FASN: variants seen among roughly 807,000 people sequenced by gnomAD.
FASN encodes the protein fatty acid synthase, also known as 3-hydroxyacyl-[acyl-carrier-protein] dehydratase.
A neutral mutation model predicts 250.0 loss-of-function variants in FASN; 50 were observed. The observed-to-expected ratio is 0.20, with a 90% CI of 0.16 to 0.25. FASN has a LOEUF of 0.25. Among genes scored for constraint, FASN ranks in the 10% least tolerant of loss-of-function variants. The pLI is 1.00. For missense variants in FASN, 3,031 were observed against 3,498.5 expected (o/e 0.87, Z 3.37); for synonymous variants, 1,909 against 1,584.0 (o/e 1.21, Z -4.87).
chr17:82,089,856 T>G (rs755201738), intron 11 of FASN, 130 bp from the exon 12 acceptor site: 2 of 831,524 alleles, frequency 2.4e-6, no homozygotes, highest in Non-Finnish European at 4.0e-6. Flanking sequence ...GGAGCCTTCA[T>G]GAGAAAGGTT....
In FASN at chr17:82,086,630, C is replaced by A. The variant is rs2034106936; in HGVS notation, c.3428-72G>T. The A allele has an allele frequency of 4.0e-5, 47 of 1,170,060 alleles. No individual in the cohort carries two copies. The South Asian group carries it at 5.4e-4, about 13-fold the overall frequency. 72.5% of individuals were successfully genotyped at this position (1,170,060 alleles called of 1,614,324 possible). A position where few individuals can be genotyped will look rare whatever the true frequency, so the allele number is the denominator to read the frequency against. On this transcript the variant is annotated intron_variant, in intron 21 of 42. Transcript: ENST00000306749. ...ATCTGCCTGGCATGGGCTCTCAGAC[C>A]CACTCTGTCCTTCTGGGGCCACCAC...
In FASN at chr17:82,078,568, GC is replaced by G. The variant is rs1179133520; in HGVS notation, c.*574del. ...CACCCCACGGGTGGCTGTGCGGGGG[GC>G]CGCTGGGTGTGGCCGGGCCCTGTGT... On this transcript the variant is annotated 3_prime_UTR_variant, in exon 43 of 43. Coordinates refer to ENST00000306749, the MANE Select transcript of FASN (RefSeq NM_004104.5). This position sits in a 1 kb window ranked among gnomAD's most constrained non-coding sequence, Gnocchi z 5.4. 6.1e-6 allele frequency: 1 copy of G among 164,190 alleles called. No individual in the cohort carries two copies. Among genetic ancestry groups the G allele is most frequent in the Admixed American group, 5.8e-5 (1 of 17,376 alleles). The allele number at this position is 164,190 out of a possible 1,614,324, so 10.2% of individuals were successfully genotyped here. A position where few individuals can be genotyped will look rare whatever the true frequency, so the allele number is the denominator to read the frequency against.
intron 38 of FASN, 73 bp from the exon 39 acceptor site, chr17:82,080,995 ACG>A: frequency 6.9e-7 from 1 of 1,439,832 alleles, no homozygotes; most frequent in South Asian, 1.2e-5. Flanking sequence ...ACACACAGAC[ACG>A]CACGCAGGTC....
Position 82,079,578 on chromosome 17 carries a change from G to A in FASN, c.7177C>T (p.Leu2393=). ...VLEALLPLKG[L]EERVAAAVDL... The stretch of plus-strand genomic sequence containing the variant: ...ACGGCGGCTGCCACACGCTCCTCTA[G>A]GCCCTTCAGCGGCAGCAGCGCCTCC... Residue 2393 remains leucine (L), a synonymous_variant, in exon 42 of 43, where the codon CTA becomes TTA. Transcript: ENST00000306749. 6.2e-7 allele frequency: 1 copy of A among 1,603,684 alleles called. No individual in the cohort carries two copies. Among genetic ancestry groups the A allele is most frequent in the Non-Finnish European group, 8.5e-7 (1 of 1,179,874 alleles).
intron 5 of FASN, 61 bp from the exon 6 acceptor site, chr17:82,093,080 G>A (rs959661299): frequency 1.2e-6 from 2 of 1,602,354 alleles, no homozygotes; most frequent in African/African-American, 1.3e-5. Flanking sequence ...ACCCCACCAG[G>A]AGGAGCTCTG....
Position 82,089,090 on chromosome 17 carries a change from C to A in FASN, c.2183G>T (p.Arg728Leu). ...GACATTGTACTCGGCGGAGGACGTG[C>A]GTGCCAGGCTGCTGTGCCACTGGGC... is the stretch of plus-strand genomic sequence containing the variant. ...PEAQWHSSLA[R>L]TSSAEYNVNN... is the part of the protein sequence containing the mutation. The change falls in exon 14 of 43, where the codon CGC (arginine) becomes CTC (leucine). Residue 728 changes from arginine (R) to leucine (L), a missense_variant. By Grantham distance (102) the Arg-to-Leu change is moderately radical (BLOSUM62 -2). Transcript: ENST00000306749. 1 of 1,575,468 alleles carries A rather than the reference C, an allele frequency of 6.3e-7. No individual in the cohort carries two copies.
intron 40 of FASN, 52 bp downstream of exon 40, chr17:82,080,318 G>C: frequency 6.2e-7 from 1 of 1,610,096 alleles, no homozygotes. Context: ...CAGGGCACAG[G>C]TGGGGAGCCC....
At position 82,096,564 on chromosome 17, in the gene FASN, G is replaced by A. The variant is rs1313284733; in HGVS notation, c.-7-112C>T. 17 of 1,516,026 alleles carry A rather than the reference G, an allele frequency of 1.1e-5. No individual in the cohort carries two copies. In the African/African-American group the frequency reaches 1.8e-4, roughly 16 times the overall value. 93.9% of individuals were successfully genotyped at this position (1,516,026 alleles called of 1,614,324 possible). ...CATGGGGCCAAGCACCACCCTGAGGGTCCGTGCGGGCCCTGGCTCCTGCGG... is the reference window on the plus strand; with the variant it reads ...CATGGGGCCAAGCACCACCCTGAGGATCCGTGCGGGCCCTGGCTCCTGCGG... On this transcript the variant is annotated intron_variant, in intron 1 of 42. Coordinates refer to ENST00000306749, the MANE Select transcript of FASN (RefSeq NM_004104.5).
At chr17:82,096,812 T>C (rs1414016686) in intron 1 of FASN, 1 of 359,190 alleles carries the variant, frequency 2.8e-6, no homozygotes, top group Non-Finnish European at 5.4e-6. Context: ...CCAAGGCTCC[T>C]GGAGCTTGTC....
rs1410271751 is a variant in FASN, at chr17:82,091,343, G to A, written c.1371C>T (p.Ile457=). Residue 457 remains isoleucine, a synonymous_variant, in exon 9 of 43, where the codon ATC becomes ATT. Coordinates refer to ENST00000306749, the MANE Select transcript of FASN (RefSeq NM_004104.5). ...DLAFLSMLND[I]AAVPATAMPF... is the part of the protein sequence containing the mutation. ...GCATGGCGGTGGCGGGGACAGCCGC[G>A]ATGTCGTTCAGCATGCTCAGGAAAG... 3 of 1,610,414 alleles carry A rather than the reference G, an allele frequency of 1.9e-6. No homozygotes were observed. Among genetic ancestry groups the A allele is most frequent in the Non-Finnish European group, 2.5e-6 (3 of 1,179,034 alleles).
In FASN at chr17:82,093,243, T is replaced by A; in HGVS notation, c.631A>T (p.Thr211Ser). Residue 211 changes from threonine to serine, a missense_variant, in exon 5 of 43, where the codon ACC becomes TCC. Coordinates refer to ENST00000306749, the MANE Select transcript of FASN (RefSeq NM_004104.5). ...LRLGMLSPEGTCKAFDTAGNG... is the reference protein window; with the variant it reads ...LRLGMLSPEGSCKAFDTAGNG... ...CCCGCTGTGTCGAAGGCCTTGCAGG[T>A]GCCCTCGGGGCTGAGCATCCCCAGC... The A allele has an allele frequency of 6.3e-7, 1 of 1,588,254 alleles. No homozygotes were observed. Among genetic ancestry groups the A allele is most frequent in the Non-Finnish European group, 8.6e-7 (1 of 1,168,224 alleles).
In FASN at chr17:82,095,893, TCAGGACAGACACAGG is replaced by T. The variant is rs545654046; in HGVS notation, c.127+411_128-422del. On this transcript the variant is annotated intron_variant, in intron 2 of 42. Coordinates refer to ENST00000306749, the MANE Select transcript of FASN (RefSeq NM_004104.5). ...CACATCTGGTATGCAACCTCCCAGCTCAGGACAGACACAGGCAGGGGCAGCCTGGCCGGAAGGGCT... is the reference window on the plus strand; with the variant it reads ...CACATCTGGTATGCAACCTCCCAGCTCAGGGGCAGCCTGGCCGGAAGGGCT... Among the ~76,000 whole-genome samples the T allele has an allele frequency of 6.5e-4, 99 of 152,290 alleles. 2 individuals are homozygous for T. The East Asian group carries it at 0.014, about 21-fold the overall frequency.
chr17:82,085,930 C>A, intron 22 of FASN, 59 bp from the exon 23 acceptor site: 1 of 1,462,940 alleles, frequency 6.8e-7, no homozygotes. Flanking sequence ...TGACCTGGGG[C>A]TGGGCAAAAT....
rs1185045874 is a variant in FASN at position 82,083,829 on chromosome 17, C to T, written c.5161G>A (p.Ala1721Thr). 2.1e-5 allele frequency: 34 copies of T among 1,604,756 alleles called. No homozygotes were observed. Among genetic ancestry groups the T allele is most frequent in the Middle Eastern group, 1.6e-4 (1 of 6,074 alleles). Residue 1721 changes from alanine (A) to threonine (T), a missense_variant, in exon 30 of 43, where the codon GCC becomes ACC. Coordinates refer to ENST00000306749, the MANE Select transcript of FASN (RefSeq NM_004104.5). ...RFPQLDSTSFANSRDTSFEQH... is the reference protein window; with the variant it reads ...RFPQLDSTSFTNSRDTSFEQH... ...TCGAAGGATGTGTCCCGGGAGTTGG[C>T]GAAGCTGGTGCTGTCGAGCTGGGGG...
chr17:82,097,824 G>A (rs2034330502), intron 1 of FASN, among the ~76,000 whole-genome samples: 1 of 152,108 alleles, frequency 6.6e-6, no homozygotes, highest in Non-Finnish European at 1.5e-5. Context: ...GCCGAGCCGG[G>A]GGCTCCTCCA....
In FASN at chr17:82,080,135, C is replaced by T. The variant is rs754450538; in HGVS notation, c.7146+5G>A. On this transcript the variant is annotated splice_donor_5th_base_variant and intron_variant, in intron 41 of 42. Transcript: ENST00000306749. ...CCTGCGGCCTCAGGGGTGTCCAGGACCCACCCTGTTGTGCTCCATGTCCGT... is the reference window on the plus strand; with the variant it reads ...CCTGCGGCCTCAGGGGTGTCCAGGATCCACCCTGTTGTGCTCCATGTCCGT... The T allele has an allele frequency of 6.2e-7, 1 of 1,612,326 alleles. No homozygotes were observed. Among genetic ancestry groups the T allele is most frequent in the Non-Finnish European group, 8.5e-7 (1 of 1,179,262 alleles).
chr17:82,092,991 C>T lies in FASN; in HGVS notation c.684G>A (p.Val228=). 1 of 1,612,292 alleles carries T rather than the reference C, an allele frequency of 6.2e-7. No individual in the cohort carries two copies. The change falls in exon 6 of 43, where the codon GTG becomes GTA. Residue 228 remains valine, a synonymous_variant. Transcript: ENST00000306749. ...AGNGYCRSEG[V]VAVLLTKKSL... ...ACTTCTTGGTCAGCAGGACGGCCAC[C>T]ACACCCTCCGAGCGGCAGTACCCAT...
chr17:82,097,889 C>T (rs944934466), intron 1 of FASN, among the ~76,000 whole-genome samples: 3 of 152,078 alleles, frequency 2.0e-5, no homozygotes, highest in African/African-American at 4.8e-5. Context: ...CTGTTGGTGG[C>T]TTTCCCCGGC....
intron 4 of FASN, 58 bp from the exon 5 acceptor site, chr17:82,093,477 A>G: frequency 6.3e-7 from 1 of 1,580,366 alleles, no homozygotes. Context: ...ACCCCTGAGC[A>G]CACCTCCTGC....
Sources: allele counts gnomAD v4.1 joint callset (sites outside exome capture counted in the v4.1 genomes callset), GRCh38; gene constraint gnomAD v4.1.1; non-coding constraint Gnocchi (gnomAD v3.1); transcripts MANE v1.5; gene names NCBI Gene and HGNC (gene_info 2026-07-23, HGNC 2026-07-21).